Variants in HSDL1 observed in about 807,000 individuals in gnomAD.
HSDL1 encodes the protein hydroxysteroid dehydrogenase like 1, also known as inactive hydroxysteroid dehydrogenase-like protein 1.
Under a neutral mutation model 31.5 loss-of-function variants are expected in HSDL1, and 29 were observed. That is an observed-to-expected ratio of 0.92 (90% CI 0.69 to 1.26). The LOEUF is 1.26. HSDL1 is among the 50% of genes most tolerant of loss of function. The pLI is 0.00. For synonymous variants in HSDL1, 222 were observed against 155.2 expected, an observed-to-expected ratio of 1.43 and a Z score of -3.20; for missense variants, 503 against 416.6, an observed-to-expected ratio of 1.21 and a Z score of -1.81.
intron 3 of HSDL1, 137 bp downstream of exon 3, chr16:84,130,965 C>T: frequency 1.4e-6 from 1 of 715,884 alleles, no homozygotes; most frequent in South Asian, 1.8e-5. Flanking sequence ...GAAATGTGAA[C>T]ATAATCACGG....
At position 84,130,327 on chromosome 16, in the gene HSDL1, T is replaced by A; in HGVS notation, c.325A>T (p.Lys109Ter). ...RNEEKLQVVA[K>*]DIADTYKVET... is the part of the protein sequence containing the mutation. Reference sequence around the variant, plus strand: ...ACTTTGTACGTGTCGGCTATGTCTTTAGCAACAACCTGCAACTTCTCCTCG... The same window carrying A: ...ACTTTGTACGTGTCGGCTATGTCTTAAGCAACAACCTGCAACTTCTCCTCG... Residue 109 changes from lysine (K) to a stop codon, truncating the protein, a stop_gained, in exon 4 of 6, where the codon AAA (lysine) becomes TAA (stop). Transcript: ENST00000219439. LOFTEE classifies it high-confidence loss of function. 1 of 1,614,234 alleles carries A rather than the reference T, an allele frequency of 6.2e-7. No homozygotes were observed. Among genetic ancestry groups the A allele is most frequent in the Non-Finnish European group, 8.5e-7 (1 of 1,180,048 alleles).
At chr16:84,140,770 C>A (rs1432207943) in intron 1 of HSDL1, among the ~76,000 whole-genome samples, 1 of 152,098 alleles carries the variant, frequency 6.6e-6, no homozygotes, top group African/African-American at 2.4e-5. Flanking sequence ...ACTCTTTTAA[C>A]AAAACAGCTG....
chr16:84,134,702 A>G (rs1201717945), intron 2 of HSDL1, among the ~76,000 whole-genome samples: 1 of 152,224 alleles, frequency 6.6e-6, no homozygotes, highest in African/African-American at 2.4e-5. Context: ...ACTCATAAAA[A>G]GTGTGGGTGC....
At chr16:84,137,194 G>A (rs1299138827) in intron 1 of HSDL1, among the ~76,000 whole-genome samples, 1 of 152,238 alleles carries the variant, frequency 6.6e-6, no homozygotes, top group African/African-American at 2.4e-5. Context: ...CGCCACTGGG[G>A]TGAAATGGGT....
At chr16:84,134,876 C>T (rs2086698483) in intron 2 of HSDL1, among the ~76,000 whole-genome samples, 2 of 152,110 alleles carry the variant, frequency 1.3e-5, no homozygotes, top group South Asian at 2.1e-4. Context: ...GAATATTAAG[C>T]TTATTCTTCT....
chr16:84,130,478 A>C (rs1471104211), intron 3 of HSDL1, 47 bp from the exon 4 acceptor site: 1 of 1,512,490 alleles, frequency 6.6e-7, no homozygotes, highest in African/African-American at 1.4e-5. Flanking sequence ...TCACGGTGTG[A>C]CCCTTAAAAT....
In HSDL1 at chr16:84,123,434, G is replaced by T. The variant is rs905803056; in HGVS notation, c.*1196C>A. 1 of 152,154 alleles carries T rather than the reference G, an allele frequency of 6.6e-6. No homozygotes were observed. The highest frequency in any genetic ancestry group is 2.4e-5 in the African/African-American group (1 of 41,432). The allele number at this position is 152,154 out of a possible 1,614,324, so 9.4% of individuals were successfully genotyped here. On this transcript the variant is annotated 3_prime_UTR_variant, in exon 6 of 6. Coordinates refer to ENST00000219439, the MANE Select transcript of HSDL1 (RefSeq NM_031463.5). ...ACTAGGTACATGGTCCTCAAAAATG[G>T]TTGGCTTTATATGACCCAAACTAAG...
In HSDL1 at chr16:84,122,363, C is replaced by CCT. The variant is rs531441713; in HGVS notation, c.*2266_*2267insAG. ...TTCAAAGGTTCATATTTCCCACGTT[C>CCT]TTTTTTTTTTTTTGAGACAGGGTCT... is the stretch of plus-strand genomic sequence containing the variant. On this transcript the variant is annotated 3_prime_UTR_variant, in exon 6 of 6. Coordinates refer to ENST00000219439, the MANE Select transcript of HSDL1 (RefSeq NM_031463.5). 1.4e-5 allele frequency: 2 copies of CCT among 146,656 alleles called. No individual in the cohort carries two copies. Among genetic ancestry groups the CCT allele is most frequent in the Non-Finnish European group, 3.0e-5 (2 of 66,268 alleles). 9.1% of individuals were successfully genotyped at this position (146,656 alleles called of 1,614,324 possible).
intron 2 of HSDL1, among the ~76,000 whole-genome samples, chr16:84,133,387 A>C (rs1447473900): frequency 6.6e-6 from 1 of 152,228 alleles, no homozygotes; most frequent in Admixed American, 6.5e-5. Flanking sequence ...TACCGTATTA[A>C]GTTGATATTG....
chr16:84,125,752 T>C (rs896798813), intron 5 of HSDL1, among the ~76,000 whole-genome samples: 1 of 152,260 alleles, frequency 6.6e-6, no homozygotes, highest in Admixed American at 6.5e-5. Flanking sequence ...CTGTCCTGCA[T>C]GTAAATACAA....
intron 5 of HSDL1, chr16:84,125,031 A>T (rs1262057889): frequency 6.6e-5 from 15 of 227,342 alleles, no homozygotes; most frequent in Non-Finnish European, 1.8e-5. Context: ...AATCAAACAA[A>T]TACCCACCAA....
rs1293893852 is a variant in HSDL1, at chr16:84,124,644, A to T, written c.979T>A (p.Ser327Thr). Residue 327 changes from serine to threonine, a missense_variant, in exon 6 of 6, where the codon TCC becomes ACC. Ser to Thr is a moderately conservative substitution (Grantham distance 58). Coordinates refer to ENST00000219439, the MANE Select transcript of HSDL1 (RefSeq NM_031463.5). ...LNRSLRKEAL[S>T]CTA ...GCCATCCAGACTCAGGCTGTGCAGG[A>T]TAAGGCTTCCTTACGTAGTGAACGG... is the stretch of plus-strand genomic sequence containing the variant. 1 of 1,612,812 alleles carries T rather than the reference A, an allele frequency of 6.2e-7. No individual in the cohort carries two copies. The highest frequency in any genetic ancestry group is 8.5e-7 in the Non-Finnish European group (1 of 1,178,772).
chr16:84,140,133 G>T (rs756025662), intron 1 of HSDL1, among the ~76,000 whole-genome samples: 3 of 152,050 alleles, frequency 2.0e-5, no homozygotes, highest in Non-Finnish European at 4.4e-5. Flanking sequence ...TACCCATGTG[G>T]CACTTAGCAC....
intron 1 of HSDL1, among the ~76,000 whole-genome samples, chr16:84,137,701 T>C (rs1163179817): frequency 6.6e-6 from 1 of 152,180 alleles, no homozygotes; most frequent in Non-Finnish European, 1.5e-5. Flanking sequence ...TCAATCTTCT[T>C]CCCCACCCTT....
chr16:84,128,958 T>A (rs1425375368), intron 5 of HSDL1, among the ~76,000 whole-genome samples: 2 of 152,118 alleles, frequency 1.3e-5, no homozygotes, highest in Non-Finnish European at 2.9e-5. Flanking sequence ...TCCACCCACC[T>A]CAGCTTCCCA....
At chr16:84,135,205 C>T (rs753065606) in intron 2 of HSDL1, among the ~76,000 whole-genome samples, 1 of 151,458 alleles carries the variant, frequency 6.6e-6, no homozygotes, top group Non-Finnish European at 1.5e-5. Context: ...TGCACTCCAG[C>T]CTGGACGACA....
intron 1 of HSDL1, among the ~76,000 whole-genome samples, chr16:84,142,519 T>C (rs893209750): frequency 7.7e-6 from 1 of 129,604 alleles, no homozygotes; most frequent in Admixed American, 9.9e-5. Flanking sequence ...CACTGCAACC[T>C]CCTCCTTCCA....
At chr16:84,144,188 T>C (rs969067688) in intron 1 of HSDL1, 5 of 152,044 alleles carry the variant, frequency 3.3e-5, no homozygotes, top group African/African-American at 1.2e-4. Context: ...CTCTCATTAA[T>C]CTTATAAAGC....
At position 84,138,069 on chromosome 16, in the gene HSDL1, A is replaced by G. The variant is rs572825016; in HGVS notation, c.-68-2464T>C. ...AGATAATGAGGGCTCCACCACCTTGATCTTGGACCATTCAGCCTCCCAAAC... is the reference window on the plus strand; with the variant it reads ...AGATAATGAGGGCTCCACCACCTTGGTCTTGGACCATTCAGCCTCCCAAAC... On this transcript the variant is annotated intron_variant, in intron 1 of 5. Transcript: ENST00000219439. 2.6e-5 allele frequency among the ~76,000 whole-genome samples: 4 copies of G among 152,320 alleles called. No individual in the cohort carries two copies. In the South Asian group the frequency reaches 6.2e-4, roughly 24 times the overall value.
Sources: gnomAD v4.1 joint callset for allele counts (sites outside exome capture counted in the v4.1 genomes callset) on GRCh38, gnomAD v4.1.1 for gene constraint, MANE v1.5 for transcripts, NCBI Gene and HGNC (gene_info 2026-07-23, HGNC 2026-07-21) for gene names.